The following NCAPG2 variants were observed in gnomAD, a reference collection of about 807,000 sequenced individuals.
The protein encoded by NCAPG2 is condensin-2 complex subunit G2.
A neutral mutation model predicts 141.1 loss-of-function variants in NCAPG2; 53 were observed. The ratio of observed to expected loss-of-function variants is 0.38; its 90% CI spans 0.30 to 0.47. NCAPG2 has a LOEUF of 0.47. Among genes scored for constraint, NCAPG2 ranks in the 20% least tolerant of loss-of-function variants. The pLI is 0.99. For synonymous variants in NCAPG2, 499 were observed against 490.7 expected (o/e 1.02, Z -0.22); for missense variants, 1,087 against 1,389.0 (o/e 0.78, Z 3.46).
chr7:158,690,483 T>C, intron 5 of NCAPG2, 85 bp downstream of exon 5: 1 of 1,351,798 alleles, frequency 7.4e-7, no homozygotes, highest in East Asian at 2.3e-5. Context: ...AGTTTGAGGC[T>C]GCAGTGAGCT....
rs546061840 is a variant in NCAPG2 at position 158,648,168 on chromosome 7, T to C, written c.3076-1605A>G. On this transcript the variant is annotated intron_variant, in intron 24 of 27. Transcript: ENST00000356309. ...GTGAGACAAAAGACTATTGACAGAT[T>C]AAAATAAAAATAATAACAACAGCAT... Among the ~76,000 whole-genome samples the C allele has an allele frequency of 6.2e-4, 95 of 152,186 alleles. 1 individual carries two copies. Among genetic ancestry groups the C allele is most frequent in the African/African-American group, 2.2e-3 (91 of 41,500 alleles).
At position 158,637,542 on chromosome 7, in the gene NCAPG2, G is replaced by GCAGGAC. The variant is rs1442708077; in HGVS notation, c.3381-5826_3381-5825insGTCCTG. ...CCATCCGAGCCACACACAGGAGCCT[G>GCAGGAC]TGGGACTCAAGAGAGTAGGCTTTCC... On this transcript the variant is annotated intron_variant, in intron 27 of 27. Coordinates refer to ENST00000356309, the MANE Select transcript of NCAPG2 (RefSeq NM_017760.7). Among the ~76,000 whole-genome samples, 213 of 152,160 alleles carry GCAGGAC rather than the reference G, an allele frequency of 1.4e-3. 6 individuals carry two copies. The highest frequency in any genetic ancestry group is 4.4e-3 in the African/African-American group (181 of 41,462).
intron 27 of NCAPG2, chr7:158,639,666 GT>G (rs2129456396): frequency 5.9e-6 from 1 of 169,850 alleles, no homozygotes; most frequent in East Asian, 1.9e-4. Flanking sequence ...ATTTCTGGGG[GT>G]ATGTTGTTCC....
rs367811666 is a variant in NCAPG2, at chr7:158,699,713, T to G, written c.78+2109A>C. ...TTCCTCTTACACACAGAGGGGCAGG[T>G]GTACCTTGGGAGCACAGGCACCTAC... On this transcript the variant is annotated intron_variant, in intron 2 of 27. Coordinates refer to ENST00000356309, the MANE Select transcript of NCAPG2 (RefSeq NM_017760.7). 4.6e-5 allele frequency among the ~76,000 whole-genome samples: 7 copies of G among 152,332 alleles called. No homozygotes were observed. In the East Asian group the frequency reaches 7.7e-4, roughly 17 times the overall value.
rs1181703454 is a variant in NCAPG2 at position 158,662,307 on chromosome 7, T to C, written c.1876A>G (p.Ile626Val). The part of the protein sequence containing the change: ...VACMAGLLEI[I>V]VILWKSIDRS... ...TCAATACTTTTCCAGAGAATCACAA[T>C]GATTTCTAGTAAACCTGCCATGCAT... Residue 626 changes from isoleucine to valine, a missense_variant, in exon 16 of 28, where the codon ATT becomes GTT. Transcript: ENST00000356309. 1.9e-6 allele frequency: 3 copies of C among 1,609,600 alleles called. No individual in the cohort carries two copies. Among genetic ancestry groups the C allele is most frequent in the Non-Finnish European group, 2.5e-6 (3 of 1,178,152 alleles).
chr7:158,654,566 T>A (rs1236639020), intron 22 of NCAPG2, 29 bp downstream of exon 22: 2 of 1,605,904 alleles, frequency 1.2e-6, no homozygotes, highest in Non-Finnish European at 1.7e-6. Context: ...TTCTGAGTAT[T>A]TATTGCTCTA....
intron 2 of NCAPG2, among the ~76,000 whole-genome samples, chr7:158,697,039 CTTTT>C (rs1016034288): frequency 6.6e-6 from 1 of 152,288 alleles, no homozygotes; most frequent in Admixed American, 6.5e-5. Context: ...AACAAACCTA[CTTTT>C]TATCATTGTT....
chr7:158,672,601 A>G (rs1833811710), intron 12 of NCAPG2, among the ~76,000 whole-genome samples: 1 of 151,962 alleles, frequency 6.6e-6, no homozygotes, highest in South Asian at 2.1e-4. Context: ...TCGGCCTCCC[A>G]AAGTGCTGGG....
At chr7:158,669,600 T>G (rs1367469236) in intron 13 of NCAPG2, among the ~76,000 whole-genome samples, 1 of 150,568 alleles carries the variant, frequency 6.6e-6, no homozygotes, top group Non-Finnish European at 1.5e-5. Context: ...CCATCTCTAC[T>G]AAAATTTAAA....
chr7:158,637,534 A>G (rs2129456005), intron 27 of NCAPG2, among the ~76,000 whole-genome samples: 1 of 152,198 alleles, frequency 6.6e-6, no homozygotes, highest in African/African-American at 2.4e-5. Context: ...AGCCACACAC[A>G]GGAGCCTGTG....
intron 11 of NCAPG2, among the ~76,000 whole-genome samples, chr7:158,679,536 TAC>T (rs538781502): frequency 4.7e-4 from 72 of 152,232 alleles, no homozygotes; most frequent in Middle Eastern, 3.4e-3. Context: ...CAATCACACT[TAC>T]AGAGAAAGAC....
intron 27 of NCAPG2, chr7:158,640,052 C>CAAAAAAAAAAAAAAAA (rs58368997): frequency 1.0e-4 from 10 of 98,318 alleles, no homozygotes; most frequent in Non-Finnish European, 1.2e-4. Context: ...GAATAAATGC[C>CAAAAAAAAAAAAAAAA]AAAAAAAAAA....
In NCAPG2 at chr7:158,690,558, G is replaced by A. The variant is rs755948933; in HGVS notation, c.537+10C>T. ...GACCCTGTCTTTAAAAAAATAAAAA[G>A]TGAGCATACTGTCTTAGTCTCCAGA... On this transcript the variant is annotated intron_variant, in intron 5 of 27. Coordinates refer to ENST00000356309, the MANE Select transcript of NCAPG2 (RefSeq NM_017760.7). 3.7e-6 allele frequency: 6 copies of A among 1,611,454 alleles called. No individual in the cohort carries two copies. The highest frequency in any genetic ancestry group is 5.1e-6 in the Non-Finnish European group (6 of 1,178,134).
At chr7:158,682,525 A>C (rs1255007451) in intron 9 of NCAPG2, among the ~76,000 whole-genome samples, 1 of 152,232 alleles carries the variant, frequency 6.6e-6, no homozygotes, top group Non-Finnish European at 1.5e-5. Context: ...ACTCAAAATT[A>C]ATATAATTAG....
Position 158,674,288 on chromosome 7 carries a change from ATT to A in NCAPG2, c.1326+1187_1326+1188del, listed in dbSNP as rs34536237. 1.9e-3 allele frequency among the ~76,000 whole-genome samples: 214 copies of A among 114,416 alleles called. 1 individual carries two copies. Among genetic ancestry groups the A allele is most frequent in the South Asian group, 7.1e-3 (25 of 3,538 alleles). 75.1% of individuals were successfully genotyped at this position (114,416 alleles called of 152,430 possible). On this transcript the variant is annotated intron_variant, in intron 12 of 27. Transcript: ENST00000356309. ...GTTGAATATGCACAGAAAAAAAAAA[ATT>A]TTTTTTTTTTTTTTGAGACAAGGTC...
chr7:158,691,079 A>C (rs1328602804), intron 4 of NCAPG2, among the ~76,000 whole-genome samples: 1 of 152,220 alleles, frequency 6.6e-6, no homozygotes, highest in Non-Finnish European at 1.5e-5. Context: ...ACCAGAGCCA[A>C]GACAGGTCTA....
At chr7:158,662,429 G>T in intron 15 of NCAPG2, 62 bp from the exon 16 acceptor site, 4 of 1,413,060 alleles carry the variant, frequency 2.8e-6, no homozygotes, top group Non-Finnish European at 1.9e-6. Context: ...AAAGGTAACA[G>T]CATCTCAGAA....
At chr7:158,672,314 ATATATATATATATATTTTTTTTTTTTTT>A in intron 12 of NCAPG2, among the ~76,000 whole-genome samples, 1 of 34,372 alleles carries the variant, frequency 2.9e-5, no homozygotes, top group East Asian at 6.5e-4. Context: ...ATATATATAT[ATATATATATATATATTTTTTTTTTTTTT>A]TTTTTTTTTT....
In NCAPG2 at chr7:158,646,391, T is replaced by C. The variant is rs1419823834; in HGVS notation, c.3179+69A>G. On this transcript the variant is annotated intron_variant, in intron 25 of 27. Transcript: ENST00000356309. The stretch of plus-strand genomic sequence containing the variant: ...TTGAAAAACTTGAGTGTAAAAGGAA[T>C]AGAACAAAAGCTGCTGAGCGCTTAC... 2.6e-6 allele frequency: 3 copies of C among 1,142,518 alleles called. No individual in the cohort carries two copies. The African/African-American group carries it at 4.9e-5, about 19-fold the overall frequency. The allele number at this position is 1,142,518 out of a possible 1,614,324, so 70.8% of individuals were successfully genotyped here.
Sources: gnomAD v4.1 joint callset for allele counts (sites outside exome capture counted in the v4.1 genomes callset) on GRCh38, gnomAD v4.1.1 for gene constraint, MANE v1.5 for transcripts, NCBI Gene and HGNC (gene_info 2026-07-23, HGNC 2026-07-21) for gene names.